VWDE: variants seen among roughly 807,000 people sequenced by gnomAD.
VWDE encodes the protein von Willebrand factor D and EGF domain-containing protein.
VWDE carries 207 observed loss-of-function variants against 178.4 expected under a neutral mutation model. The observed-to-expected ratio is 1.16, with a 90% CI of 1.04 to 1.30. VWDE has a LOEUF of 1.30. VWDE is among the 50% of genes most tolerant of loss of function. The probability of loss-of-function intolerance (pLI) is 0.00; values close to 1 mark genes in which losing one functional copy is unlikely to be tolerated. For synonymous variants in VWDE, 738 were observed against 651.4 expected (o/e 1.13, Z -2.02); for missense variants, 2,287 against 1,901.3 (o/e 1.20, Z -3.77).
In VWDE at chr7:12,351,582, T is replaced by A. The variant is rs978677249; in HGVS notation, c.3877A>T (p.Asn1293Tyr). ...RKRHVKPTSG[N>Y]AFTICKYPCG... is the part of the protein sequence containing the mutation. ...TATGACCATTACTTACTGAAGGCAT[T>A]TCCACTTGTTGGCTTAACATGCCTC... The change falls in exon 19 of 29, where the codon AAT (asparagine) becomes TAT (tyrosine). Residue 1293 changes from asparagine (N) to tyrosine (Y), a missense_variant. Asn to Tyr is a moderately radical substitution (Grantham distance 143). Coordinates refer to ENST00000275358, the MANE Select transcript of VWDE (RefSeq NM_001135924.3). The A allele has an allele frequency of 6.5e-7, 1 of 1,548,088 alleles. No individual in the cohort carries two copies. The highest frequency in any genetic ancestry group is 1.4e-5 in the African/African-American group (1 of 72,920).
At chr7:12,336,080 T>A in intron 27 of VWDE, 61 bp downstream of exon 27, 1 of 1,402,550 alleles carries the variant, frequency 7.1e-7, no homozygotes, top group African/African-American at 1.4e-5. Context: ...AGCTATACTT[T>A]AATTATTATA....
At chr7:12,352,424 T>G (rs1211818864) in intron 18 of VWDE, among the ~76,000 whole-genome samples, 1 of 152,202 alleles carries the variant, frequency 6.6e-6, no homozygotes, top group Non-Finnish European at 1.5e-5. Context: ...AGTCCTTTTG[T>G]ATTAATAAGC....
At chr7:12,337,337 C>T in intron 24 of VWDE, 65 bp from the exon 25 acceptor site, 7 of 1,299,486 alleles carry the variant, frequency 5.4e-6, no homozygotes, top group Non-Finnish European at 6.5e-6. Flanking sequence ...TGATACATTG[C>T]ATCATGTGCT....
intron 16 of VWDE, among the ~76,000 whole-genome samples, chr7:12,358,895 T>C (rs1458741142): frequency 1.3e-5 from 2 of 152,170 alleles, no homozygotes; most frequent in Non-Finnish European, 2.9e-5. Context: ...ATCTGGCAAA[T>C]GTAATGAAAC....
chr7:12,363,064 TATCTC>T (rs1483426561), intron 13 of VWDE, among the ~76,000 whole-genome samples: 1 of 152,072 alleles, frequency 6.6e-6, no homozygotes, highest in Admixed American at 6.6e-5. Context: ...GTGCTGAAAA[TATCTC>T]AGTGAAAAAA....
chr7:12,340,426 C>T lies in VWDE; in HGVS notation c.4271-9G>A, dbSNP rs1258219274. ...GACAGGGTCGCACAAAGCTAATAAA[C>T]AGCAGGAGGAAAAGAGAACATAAAA... On this transcript the variant is annotated splice_polypyrimidine_tract_variant and intron_variant, in intron 23 of 28. Coordinates refer to ENST00000275358, the MANE Select transcript of VWDE (RefSeq NM_001135924.3). 1 of 1,542,490 alleles carries T rather than the reference C, an allele frequency of 6.5e-7. No individual in the cohort carries two copies. Among genetic ancestry groups the T allele is most frequent in the African/African-American group, 1.4e-5 (1 of 72,630 alleles).
chr7:12,401,702 A>C (rs1784903029), intron 1 of VWDE, among the ~76,000 whole-genome samples: 1 of 152,170 alleles, frequency 6.6e-6, no homozygotes, highest in Non-Finnish European at 1.5e-5. Context: ...GAAATACAAA[A>C]CAGCACAGCC....
intron 5 of VWDE, 59 bp downstream of exon 5, chr7:12,380,427 A>T: frequency 6.6e-7 from 1 of 1,517,980 alleles, no homozygotes; most frequent in Non-Finnish European, 8.8e-7. Flanking sequence ...GATGTTTAAA[A>T]ATCGTGTTTG....
rs933149828 is a variant in VWDE at position 12,367,428 on chromosome 7, T to C, written c.2827A>G (p.Met943Val). 32 of 1,546,818 alleles carry C rather than the reference T, an allele frequency of 2.1e-5. No homozygotes were observed. Among genetic ancestry groups the C allele is most frequent in the Non-Finnish European group, 2.6e-5 (30 of 1,144,540 alleles). ...CCTTTGCCAAAAACTCTCACCATCA[T>C]ACAATTATATTTTTGAACATCACAG... Reference protein sequence around the residue: ...GFCDVQKYNCMMVRVFGKGFK... With the variant: ...GFCDVQKYNCVMVRVFGKGFK... Residue 943 changes from methionine (M) to valine (V), a missense_variant, in exon 13 of 29, where the codon ATG (methionine) becomes GTG (valine). Physicochemically the swap from Met to Val is conservative, Grantham distance 21. Transcript: ENST00000275358.
At chr7:12,374,787 A>T in intron 8 of VWDE, 25 bp from the exon 9 acceptor site, 3 of 1,417,736 alleles carry the variant, frequency 2.1e-6, no homozygotes, top group Middle Eastern at 1.8e-4. Context: ...TATTTTTGGT[A>T]AATATTACCA....
intron 12 of VWDE, among the ~76,000 whole-genome samples, chr7:12,368,390 A>C (rs1168355691): frequency 6.6e-6 from 1 of 152,052 alleles, no homozygotes; most frequent in Non-Finnish European, 1.5e-5. Flanking sequence ...GGATTTTCTG[A>C]TAGTATGACA....
chr7:12,356,230 C>T lies in VWDE; in HGVS notation c.3626G>A (p.Gly1209Asp), dbSNP rs1366323079. The T allele has an allele frequency of 6.4e-7, 1 of 1,551,534 alleles. No homozygotes were observed. The highest frequency in any genetic ancestry group is 1.2e-5 in the South Asian group (1 of 84,060). ...SGVYLCVCLP[G>D]FHGSLCEVDI... ...CACTTCACAAAGGCTGCCATGGAAGCCAGGCAAGCAGACACACAGGTACAC... is the reference window on the plus strand; with the variant it reads ...CACTTCACAAAGGCTGCCATGGAAGTCAGGCAAGCAGACACACAGGTACAC... Residue 1209 changes from glycine to aspartate, a missense_variant, in exon 18 of 29, where the codon GGC (glycine) becomes GAC (aspartate). Transcript: ENST00000275358.
chr7:12,379,600 A>ATTCTCCAAAATC (rs759900447), intron 5 of VWDE, 34 bp from the exon 6 acceptor site: 36 of 1,475,708 alleles, frequency 2.4e-5, no homozygotes, highest in Non-Finnish European at 8.2e-6. Flanking sequence ...TCACTTAGAA[A>ATTCTCCAAAATC]TTCAATTTTG....
At position 12,373,154 on chromosome 7, in the gene VWDE, GC is replaced by G. The variant is rs1562498483; in HGVS notation, c.1409del (p.Ser470ThrfsTer20). 4 of 1,551,172 alleles carry G rather than the reference GC, an allele frequency of 2.6e-6. No individual in the cohort carries two copies. The Admixed American group carries it at 5.9e-5, about 23-fold the overall frequency. ...AATTACATGACACTGGATAGTGAAG[GC>G]TTCTGCAGTCCCACTGACGTACATG... ...EVHVRQWDCR[S>X]LHYPVSCNCG... is the part of the protein sequence containing the mutation. On this transcript the variant is annotated frameshift_variant, in exon 10 of 29. Coordinates refer to ENST00000275358, the MANE Select transcript of VWDE (RefSeq NM_001135924.3). LOFTEE classifies it high-confidence loss of function.
chr7:12,368,183 T>TG (rs1333532922), intron 12 of VWDE, among the ~76,000 whole-genome samples: 2 of 142,244 alleles, frequency 1.4e-5, no homozygotes, highest in East Asian at 4.2e-4. Flanking sequence ...GATGTAGTAA[T>TG]GAACAAAACA....
chr7:12,343,181 G>C lies in VWDE; in HGVS notation c.4079-3C>G. The stretch of plus-strand genomic sequence containing the variant: ...TTGACAAGGTGGGTTACAATGTTCT[G>C]CAGAAACAGATTATGTTATTATGTC... On this transcript the variant is annotated splice_region_variant and splice_polypyrimidine_tract_variant and intron_variant, in intron 21 of 28. Coordinates refer to ENST00000275358, the MANE Select transcript of VWDE (RefSeq NM_001135924.3). The C allele has an allele frequency of 6.5e-7, 1 of 1,544,562 alleles. No homozygotes were observed. The highest frequency in any genetic ancestry group is 1.2e-5 in the South Asian group (1 of 83,722).
intron 4 of VWDE, among the ~76,000 whole-genome samples, chr7:12,382,047 CTT>C (rs1270689014): frequency 1.3e-5 from 2 of 151,598 alleles, no homozygotes; most frequent in Admixed American, 6.6e-5. Flanking sequence ...ATTAGTATTC[CTT>C]TGTCAATTGT....
chr7:12,393,452 T>A, intron 2 of VWDE, 142 bp downstream of exon 2: 1 of 675,832 alleles, frequency 1.5e-6, no homozygotes, highest in Non-Finnish European at 2.4e-6. Flanking sequence ...CTAGGTAATG[T>A]GGGAATAGTC....
At chr7:12,376,704 G>T (rs901021722) in intron 7 of VWDE, among the ~76,000 whole-genome samples, 2 of 151,992 alleles carry the variant, frequency 1.3e-5, no homozygotes, top group African/African-American at 4.8e-5. Flanking sequence ...TCCGAGAGAG[G>T]GTATAATGTA....
Sources: gnomAD v4.1 joint callset for allele counts (sites outside exome capture counted in the v4.1 genomes callset) on GRCh38, gnomAD v4.1.1 for gene constraint, MANE v1.5 for transcripts, NCBI Gene and HGNC (gene_info 2026-07-23, HGNC 2026-07-21) for gene names.